Variants in CCSER1 observed in about 807,000 individuals in gnomAD.
CCSER1 encodes serine-rich coiled-coil domain-containing protein 1.
Under a neutral mutation model 82.0 loss-of-function variants are expected in CCSER1, and 41 were observed. That is an observed-to-expected ratio of 0.50 (90% confidence interval 0.39 to 0.65). The LOEUF (loss-of-function observed/expected upper bound fraction) is 0.65, where lower values mean the gene tolerates loss of function less well. Ranked by LOEUF, CCSER1 falls within the 30% of genes least tolerant of loss-of-function variation. The pLI is 0.00. For missense variants in CCSER1, 1,119 were observed against 1,064.2 expected, an observed-to-expected ratio of 1.05 and a Z score of -0.72; for synonymous variants, 414 against 383.9, an observed-to-expected ratio of 1.08 and a Z score of -0.92.
At chr4:91,333,378 A>T (rs1029860691) in intron 10 of CCSER1, among the ~76,000 whole-genome samples, 3 of 152,052 alleles carry the variant, frequency 2.0e-5, no homozygotes, top group Admixed American at 6.6e-5. Flanking sequence ...TTTGCTGAGA[A>T]AAGCATTGTA....
intron 8 of CCSER1, among the ~76,000 whole-genome samples, chr4:90,858,349 T>C (rs1057344256): frequency 7.2e-5 from 11 of 152,064 alleles, no homozygotes; most frequent in Non-Finnish European, 1.5e-4. Flanking sequence ...ATGTCCCACA[T>C]GACAGAGCGT....
chr4:90,190,420 A>G (rs1352650188), intron 1 of CCSER1, among the ~76,000 whole-genome samples: 1 of 152,106 alleles, frequency 6.6e-6, no homozygotes, highest in Non-Finnish European at 1.5e-5. Flanking sequence ...CAAGGTCAGA[A>G]TAGAGATTTC....
In CCSER1 at chr4:91,049,702, C is replaced by G. The variant is rs1742829816; in HGVS notation, c.2173-36248C>G. Among the ~76,000 whole-genome samples, 3 of 152,192 alleles carry G rather than the reference C, an allele frequency of 2.0e-5. No individual in the cohort carries two copies. In the South Asian group the frequency reaches 6.2e-4, roughly 31 times the overall value. Reference sequence around the variant, plus strand: ...ATCTCTGCACAAATGACCCAAAGAACTCAGGAACTAGCACTGAATCATTGC... The same window carrying G: ...ATCTCTGCACAAATGACCCAAAGAAGTCAGGAACTAGCACTGAATCATTGC... On this transcript the variant is annotated intron_variant, in intron 9 of 10. Transcript: ENST00000509176.
At chr4:90,262,033 C>T (rs989101357) in intron 1 of CCSER1, among the ~76,000 whole-genome samples, 3 of 151,718 alleles carry the variant, frequency 2.0e-5, no homozygotes, top group Non-Finnish European at 4.4e-5. Context: ...TGTTGATTTT[C>T]ACCTTTCTCT....
intron 5 of CCSER1, among the ~76,000 whole-genome samples, chr4:90,552,975 ATT>A (rs745450293): frequency 4.2e-5 from 6 of 143,654 alleles, no homozygotes; most frequent in African/African-American, 7.7e-5. Flanking sequence ...TAAATTAACC[ATT>A]TTTTTTTTTT....
chr4:90,626,668 C>T (rs1723331417), intron 5 of CCSER1, among the ~76,000 whole-genome samples: 1 of 152,108 alleles, frequency 6.6e-6, no homozygotes, highest in African/African-American at 2.4e-5. Context: ...CAAACCTCAG[C>T]AATGTCTTTT....
chr4:90,234,373 C>T (rs756098327), intron 1 of CCSER1, among the ~76,000 whole-genome samples: 20 of 152,146 alleles, frequency 1.3e-4, no homozygotes, highest in African/African-American at 3.4e-4. Context: ...CCCGCCACCA[C>T]GCCCAGCTAA....
At chr4:90,535,567 C>T (rs1261213862) in intron 5 of CCSER1, among the ~76,000 whole-genome samples, 1 of 152,258 alleles carries the variant, frequency 6.6e-6, no homozygotes, top group Admixed American at 6.5e-5. Flanking sequence ...TTGTGCAGTG[C>T]TCAAGGAGGG....
intron 7 of CCSER1, among the ~76,000 whole-genome samples, chr4:90,777,354 C>CA (rs60638334): frequency 0.32 from 18,889 of 58,320 alleles, 3,764 homozygotes; most frequent in Non-Finnish European, 0.41. Context: ...GACTCCATCT[C>CA]AAAAAAAAAA....
intron 10 of CCSER1, among the ~76,000 whole-genome samples, chr4:91,379,256 C>T (rs2149334610): frequency 6.6e-6 from 1 of 152,204 alleles, no homozygotes; most frequent in South Asian, 2.1e-4. Context: ...CAGGATGATG[C>T]TGGCCTCATA....
intron 3 of CCSER1, among the ~76,000 whole-genome samples, chr4:90,380,442 C>A (rs1430476118): frequency 1.3e-5 from 2 of 152,012 alleles, no homozygotes; most frequent in Non-Finnish European, 2.9e-5. Flanking sequence ...GATATGATAT[C>A]ATTATTGGTG....
intron 9 of CCSER1, among the ~76,000 whole-genome samples, chr4:90,936,308 G>A (rs921748012): frequency 2.0e-5 from 3 of 151,684 alleles, no homozygotes; most frequent in Non-Finnish European, 4.4e-5. Context: ...GATTTTCCTA[G>A]TTTATAATAT....
intron 10 of CCSER1, among the ~76,000 whole-genome samples, chr4:91,568,636 C>T (rs1763015806): frequency 6.6e-6 from 1 of 152,094 alleles, no homozygotes; most frequent in Non-Finnish European, 1.5e-5. Context: ...GTTTATTCTG[C>T]TGTTAATACT....
chr4:91,595,846 A>G (rs1409607034), intron 10 of CCSER1, among the ~76,000 whole-genome samples: 2 of 150,428 alleles, frequency 1.3e-5, no homozygotes, highest in Admixed American at 6.7e-5. Context: ...ATGAATTCAT[A>G]TATATCTGAC....
chr4:91,108,796 G>A (rs1289040670), intron 10 of CCSER1, among the ~76,000 whole-genome samples: 1 of 152,142 alleles, frequency 6.6e-6, no homozygotes, highest in Admixed American at 6.5e-5. Flanking sequence ...TTAATTTTAG[G>A]TGTCAACTTG....
At chr4:90,627,920 C>A in intron 5 of CCSER1, 105 bp from the exon 6 acceptor site, 2 of 817,296 alleles carry the variant, frequency 2.4e-6, no homozygotes, top group South Asian at 1.6e-5. Flanking sequence ...AATGAGGACA[C>A]AAGAAATACT....
chr4:90,299,382 G>A (rs114101033), intron 1 of CCSER1, among the ~76,000 whole-genome samples: 254 of 152,136 alleles, frequency 1.7e-3, no homozygotes, highest in African/African-American at 5.9e-3. Context: ...TGGTTATTAT[G>A]TTTATTTGTT....
intron 5 of CCSER1, among the ~76,000 whole-genome samples, chr4:90,508,968 C>A (rs1290526913): frequency 2.0e-5 from 3 of 151,856 alleles, no homozygotes; most frequent in South Asian, 4.2e-4. Flanking sequence ...TAATATATTT[C>A]TTTTTTAGGA....
chr4:91,070,360 T>A (rs1187461497), intron 9 of CCSER1, among the ~76,000 whole-genome samples: 1 of 152,236 alleles, frequency 6.6e-6, no homozygotes, highest in East Asian at 1.9e-4. Flanking sequence ...CTCTTTATTT[T>A]AGTTGAACTC....
Sources: gnomAD v4.1 joint callset for allele counts (sites outside exome capture counted in the v4.1 genomes callset) on GRCh38, gnomAD v4.1.1 for gene constraint, MANE v1.5 for transcripts, NCBI Gene and HGNC (gene_info 2026-07-23, HGNC 2026-07-21) for gene names.